TNFSF4: variants seen among roughly 807,000 people sequenced by gnomAD.
The protein encoded by TNFSF4 is tumor necrosis factor ligand superfamily member 4.
TNFSF4 carries 4 observed loss-of-function variants against 7.3 expected under a neutral mutation model. The observed-to-expected ratio is 0.55, with a 90% CI of 0.27 to 1.25. TNFSF4 has a LOEUF of 1.25. Among genes scored for constraint, TNFSF4 ranks in the 50% most tolerant of loss-of-function variants. The probability of loss-of-function intolerance (pLI) is 0.12; values close to 1 mark genes in which losing one functional copy is unlikely to be tolerated. For missense variants in TNFSF4, 181 were observed against 208.8 expected, an observed-to-expected ratio of 0.87 and a Z score of 0.82; for synonymous variants, 76 against 83.7, an observed-to-expected ratio of 0.91 and a Z score of 0.50.
At chr1:173,187,085 A>G (rs540435562) in intron 2 of TNFSF4, among the ~76,000 whole-genome samples, 1 of 152,184 alleles carries the variant, frequency 6.6e-6, no homozygotes, top group East Asian at 1.9e-4. Context: ...AGTAAAAGCA[A>G]GAGAGCACTG....
At chr1:173,181,178 T>C (rs1434800214), downstream of TNFSF4, among the ~76,000 whole-genome samples, 1 of 152,214 alleles carries the variant, frequency 6.6e-6, no homozygotes, top group Admixed American at 6.5e-5. Context: ...TAGTTCATCC[T>C]AAATGACAAT....
the TNFSF4 span, among the ~76,000 whole-genome samples, chr1:173,372,073 C>A: frequency 1.3e-5 from 2 of 152,180 alleles, no homozygotes; most frequent in Non-Finnish European, 2.9e-5. Flanking sequence ...AACTTTCTAG[C>A]TAATCAAGGG....
the TNFSF4 span, among the ~76,000 whole-genome samples, chr1:173,315,322 C>A: frequency 6.6e-6 from 1 of 152,074 alleles, no homozygotes; most frequent in Non-Finnish European, 1.5e-5. Context: ...CTATTTCAAT[C>A]CCCATAAAAG....
the TNFSF4 span, among the ~76,000 whole-genome samples, chr1:173,227,025 G>T: frequency 6.6e-6 from 1 of 151,852 alleles, no homozygotes; most frequent in Non-Finnish European, 1.5e-5. Flanking sequence ...TAACTGCAAG[G>T]ACTTGGATAA....
At chr1:173,176,554 C>T in the TNFSF4 span, among the ~76,000 whole-genome samples, 2 of 152,150 alleles carry the variant, frequency 1.3e-5, no homozygotes, top group African/African-American at 4.8e-5. Flanking sequence ...CTATGGAAAT[C>T]ATAAGTTTGG....
chr1:173,242,544 G>C, the TNFSF4 span, among the ~76,000 whole-genome samples: 1 of 152,170 alleles, frequency 6.6e-6, no homozygotes, highest in Non-Finnish European at 1.5e-5. Context: ...CTATGAGTAT[G>C]TCACCTCACA....
At chr1:173,215,774 T>C in the TNFSF4 span, among the ~76,000 whole-genome samples, 1 of 152,166 alleles carries the variant, frequency 6.6e-6, no homozygotes, top group Admixed American at 6.5e-5. Flanking sequence ...TAAGCTCTAG[T>C]TTTAAAATTG....
chr1:173,270,168 A>G, the TNFSF4 span, among the ~76,000 whole-genome samples: 9 of 152,156 alleles, frequency 5.9e-5, no homozygotes, highest in African/African-American at 2.2e-4. Context: ...GAAGACCATG[A>G]GAGGAGCAGA....
the TNFSF4 span, among the ~76,000 whole-genome samples, chr1:173,213,933 C>G: frequency 6.6e-6 from 1 of 152,224 alleles, no homozygotes; most frequent in East Asian, 1.9e-4. Flanking sequence ...TAGGGTGCCA[C>G]TAGTATCTAG....
At chr1:173,267,910 G>GGAA in the TNFSF4 span, among the ~76,000 whole-genome samples, 2 of 138,044 alleles carry the variant, frequency 1.4e-5, no homozygotes, top group Admixed American at 1.5e-4. Context: ...GGAGAGGAAA[G>GGAA]AGAAGGAGAG....
At chr1:173,396,346 T>C in the TNFSF4 span, among the ~76,000 whole-genome samples, 7 of 152,138 alleles carry the variant, frequency 4.6e-5, no homozygotes, top group South Asian at 2.1e-4. Flanking sequence ...CCCATCTCTA[T>C]GAAAAATTTT....
the TNFSF4 span, among the ~76,000 whole-genome samples, chr1:173,331,401 A>G: frequency 3.2e-4 from 48 of 152,352 alleles, no homozygotes; most frequent in Middle Eastern, 3.4e-3. Flanking sequence ...CGCATCTTCA[A>G]GAGGAAGTGA....
chr1:173,207,327 G>T lies in TNFSF4; in HGVS notation c.-151C>A. On this transcript the variant is annotated 5_prime_UTR_variant, in exon 1 of 3. Coordinates refer to ENST00000281834, the MANE Select transcript of TNFSF4 (RefSeq NM_003326.5). ...GGTCCCAGGGCCAGAGATAAAAGGC[G>T]ATTGAAAGAGCAAAGCGGACTCTCT... 1 of 601,370 alleles carries T rather than the reference G, an allele frequency of 1.7e-6. No homozygotes were observed. The highest frequency in any genetic ancestry group is 3.0e-5 in the East Asian group (1 of 32,874). The allele number at this position is 601,370 out of a possible 1,614,324, so 37.3% of individuals were successfully genotyped here. A position where few individuals can be genotyped will look rare whatever the true frequency, so the allele number is the denominator to read the frequency against.
At chr1:173,411,569 G>A in the TNFSF4 span, among the ~76,000 whole-genome samples, 4 of 152,146 alleles carry the variant, frequency 2.6e-5, no homozygotes, top group Admixed American at 2.6e-4. Flanking sequence ...GGAGGCTGAG[G>A]TGGGCAGATC....
At chr1:173,306,194 G>A in the TNFSF4 span, among the ~76,000 whole-genome samples, 14 of 151,648 alleles carry the variant, frequency 9.2e-5, no homozygotes, top group Non-Finnish European at 1.3e-4. Flanking sequence ...CAATAGCATC[G>A]AAGACTCGAT....
chr1:173,206,886 CTT>C lies in TNFSF4; in HGVS notation c.153+136_153+137del, dbSNP rs1650218371. On this transcript the variant is annotated intron_variant, in intron 1 of 2. Coordinates refer to ENST00000281834, the MANE Select transcript of TNFSF4 (RefSeq NM_003326.5). Reference sequence around the variant, plus strand: ...AGAGACAGAAGGGCGTTTAACCACACTTTACGATTGCTGTGGGGAGAGGGAAA... The same window carrying C: ...AGAGACAGAAGGGCGTTTAACCACACTACGATTGCTGTGGGGAGAGGGAAA... The C allele has an allele frequency of 1.4e-5, 14 of 1,021,484 alleles. No homozygotes were observed. In the South Asian group the frequency reaches 2.6e-4, roughly 19 times the overall value. The allele number at this position is 1,021,484 out of a possible 1,614,324, so 63.3% of individuals were successfully genotyped here.
chr1:173,218,709 A>AT, the TNFSF4 span, among the ~76,000 whole-genome samples: 2 of 151,792 alleles, frequency 1.3e-5, no homozygotes, highest in South Asian at 2.1e-4. Flanking sequence ...ATATATATAA[A>AT]TTTTTTTTTC....
the TNFSF4 span, chr1:173,363,153 T>C: frequency 6.4e-6 from 2 of 312,638 alleles, no homozygotes; most frequent in African/African-American, 4.5e-5. Context: ...GCCTGCACTG[T>C]GGAAAGTTAT....
the TNFSF4 span, among the ~76,000 whole-genome samples, chr1:173,325,950 G>A: frequency 6.6e-6 from 1 of 152,174 alleles, no homozygotes; most frequent in Non-Finnish European, 1.5e-5. Context: ...AGGAGGAGCT[G>A]GTACCATTCC....
Sources: allele counts gnomAD v4.1 joint callset (sites outside exome capture counted in the v4.1 genomes callset), GRCh38; gene constraint gnomAD v4.1.1; transcripts MANE v1.5; gene names NCBI Gene and HGNC (gene_info 2026-07-23, HGNC 2026-07-21).